NCCRP1: variants seen among roughly 807,000 people sequenced by gnomAD.
The protein encoded by NCCRP1 is F-box only protein 50.
A neutral mutation model predicts 34.4 loss-of-function variants in NCCRP1; 32 were observed. The observed-to-expected ratio is 0.93, with a 90% CI of 0.70 to 1.25. The LOEUF is 1.25. Ranked by LOEUF, NCCRP1 falls within the 50% of genes most tolerant of loss-of-function variation. The pLI is 0.00. For synonymous variants in NCCRP1, 172 were observed against 180.1 expected, an observed-to-expected ratio of 0.95 and a Z score of 0.36; for missense variants, 372 against 391.8, an observed-to-expected ratio of 0.95 and a Z score of 0.43.
chr19:39,200,510 C>G lies in NCCRP1; in HGVS notation c.687+26C>G, dbSNP rs776417815. On this transcript the variant is annotated intron_variant, in intron 5 of 5. Transcript: ENST00000339852. This position sits in a 1 kb window ranked among gnomAD's most constrained non-coding sequence, Gnocchi z 5.8. ...GTGAGACTCTCCGCGCCGGGGCCCT[C>G]AACCCCAGACGTGTGTTCTTGTCCC... is the stretch of plus-strand genomic sequence containing the variant. The G allele has an allele frequency of 1.2e-6, 2 of 1,611,542 alleles. No homozygotes were observed. Among genetic ancestry groups the G allele is most frequent in the African/African-American group, 2.7e-5 (2 of 75,016 alleles).
rs762654399 is a variant in NCCRP1, at chr19:39,197,289, C to G, written c.307C>G (p.Arg103Gly). The G allele has an allele frequency of 5.4e-6, 8 of 1,488,506 alleles. No individual in the cohort carries two copies. Among genetic ancestry groups the G allele is most frequent in the Non-Finnish European group, 7.1e-6 (8 of 1,129,696 alleles). The allele number at this position is 1,488,506 out of a possible 1,614,324, so 92.2% of individuals were successfully genotyped here. A position where few individuals can be genotyped will look rare whatever the true frequency, so the allele number is the denominator to read the frequency against. Residue 103 changes from arginine to glycine, a missense_variant, in exon 1 of 6, where the codon CGC becomes GGC. Arg to Gly is a moderately radical substitution (Grantham distance 125, BLOSUM62 -2). Coordinates refer to ENST00000339852, the MANE Select transcript of NCCRP1 (RefSeq NM_001001414.2). ...KLLLLRRPLY[R>G]NLLRSPNPEG... ...GCTCCTGTTGCGGCGGCCGCTCTAC[C>G]GCAACCTGCTGCGCTCGCCCAACCC...
rs1229675105 is a variant in NCCRP1, at chr19:39,201,622, C to G, written c.*866C>G. The G allele has an allele frequency of 6.6e-6, 1 of 152,158 alleles. No individual in the cohort carries two copies. The highest frequency in any genetic ancestry group is 2.4e-5 in the African/African-American group (1 of 41,404). 9.4% of individuals were successfully genotyped at this position (152,158 alleles called of 1,614,324 possible). A position where few individuals can be genotyped will look rare whatever the true frequency, so the allele number is the denominator to read the frequency against. The stretch of plus-strand genomic sequence containing the variant: ...CACTGCGCCCAGCCATTCCATGTCT[C>G]TTAAGTCTCAGAATCTCCCCTAGCT... On this transcript the variant is annotated 3_prime_UTR_variant, in exon 6 of 6. Transcript: ENST00000339852.
chr19:39,200,367 T>C lies in NCCRP1; in HGVS notation c.570T>C (p.Asp190=). 1 of 1,613,702 alleles carries C rather than the reference T, an allele frequency of 6.2e-7. No homozygotes were observed. Among genetic ancestry groups the C allele is most frequent in the South Asian group, 1.1e-5 (1 of 91,066 alleles). Residue 190 remains aspartate, a synonymous_variant, in exon 5 of 6, where the codon GAT becomes GAC. Transcript: ENST00000339852. This position sits in a 1 kb window ranked among gnomAD's most constrained non-coding sequence, Gnocchi z 5.8. The part of the protein sequence containing the change: ...VMDWFEDSRL[D]ACVYELHVWL... ...GCAGGTTCGAGGACAGCCGGCTGGA[T>C]GCGTGCGTCTATGAGCTGCATGTCT...
Position 39,200,643 on chromosome 19 carries a change from C to T in NCCRP1, c.715C>T (p.Pro239Ser), listed in dbSNP as rs377645422. The T allele has an allele frequency of 4.3e-6, 7 of 1,614,160 alleles. No homozygotes were observed. In the African/African-American group the frequency reaches 6.7e-5, roughly 15 times the overall value. The change falls in exon 6 of 6, where the codon CCC becomes TCC. Residue 239 changes from proline to serine, a missense_variant. Physicochemically the swap from Pro to Ser is moderately conservative, Grantham distance 74. Coordinates refer to ENST00000339852, the MANE Select transcript of NCCRP1 (RefSeq NM_001001414.2). The surrounding 1 kb of genome is among the most constrained non-coding windows in gnomAD (Gnocchi z 5.8). ...QVSHVFRHYGPGVRFIHFLHK... is the reference protein window; with the variant it reads ...QVSHVFRHYGSGVRFIHFLHK... ...GTCCCACGTATTCCGCCATTATGGT[C>T]CCGGTGTGCGCTTTATCCACTTCCT... is the stretch of plus-strand genomic sequence containing the variant.
At position 39,200,418 on chromosome 19, in the gene NCCRP1, G is replaced by A. The variant is rs752200460; in HGVS notation, c.621G>A (p.Thr207=). The change falls in exon 5 of 6, where the codon ACG becomes ACA. Residue 207 remains threonine, a synonymous_variant. Transcript: ENST00000339852. The surrounding 1 kb of genome is among the most constrained non-coding windows in gnomAD (Gnocchi z 5.8). The stretch of plus-strand genomic sequence containing the variant: ...GGCTGCTGGCGGCCGACCGCCGCAC[G>A]GTCATTGCTCAGCACCACGTGGCCC... ...HVWLLAADRR[T]VIAQHHVAPR... 1.4e-5 allele frequency: 23 copies of A among 1,613,440 alleles called. No homozygotes were observed. The highest frequency in any genetic ancestry group is 5.0e-5 in the Admixed American group (3 of 60,008).
At position 39,198,225 on chromosome 19, in the gene NCCRP1, A is replaced by G. The variant is rs745956399; in HGVS notation, c.424A>G (p.Arg142Gly). 3 of 1,614,164 alleles carry G rather than the reference A, an allele frequency of 1.9e-6. No homozygotes were observed. The highest frequency in any genetic ancestry group is 2.5e-6 in the Non-Finnish European group (3 of 1,180,044). The change falls in exon 3 of 6, where the codon AGA becomes GGA. Residue 142 changes from arginine to glycine, a missense_variant. Transcript: ENST00000339852. ...TLGNFRGWYI[R>G]TEKLQQNQSW... ...AGGCAATTTCCGTGGCTGGTACATT[A>G]GAACTGAAAAGCTCCAGCAGAACCA...
At chr19:39,197,365 T>C in intron 1 of NCCRP1, 46 bp downstream of exon 1, 2 of 1,352,774 alleles carry the variant, frequency 1.5e-6, no homozygotes, top group Non-Finnish European at 1.9e-6. Flanking sequence ...CCTGACCGTC[T>C]GTCTCTTCCT....
rs2074787946 is a variant in NCCRP1, at chr19:39,201,389, C to T, written c.*633C>T. On this transcript the variant is annotated 3_prime_UTR_variant, in exon 6 of 6. Coordinates refer to ENST00000339852, the MANE Select transcript of NCCRP1 (RefSeq NM_001001414.2). ...GTAGTGACACGATCTCGACTCACTG[C>T]AATTTCCACCTCTCAGGTTCAAGTG... is the stretch of plus-strand genomic sequence containing the variant. The T allele has an allele frequency of 6.6e-6, 1 of 151,416 alleles. No individual in the cohort carries two copies. The highest frequency in any genetic ancestry group is 2.4e-5 in the African/African-American group (1 of 41,200). The allele number at this position is 151,416 out of a possible 1,614,324, so 9.4% of individuals were successfully genotyped here. A position where few individuals can be genotyped will look rare whatever the true frequency, so the allele number is the denominator to read the frequency against.
At chr19:39,199,293 C>T in intron 4 of NCCRP1, 28 bp downstream of exon 4, 1 of 1,602,440 alleles carries the variant, frequency 6.2e-7, no homozygotes. Context: ...GCCAGCCTGA[C>T]CCCGTGATCG....
At position 39,200,856 on chromosome 19, in the gene NCCRP1, G is replaced by A. The variant is rs953716628; in HGVS notation, c.*100G>A. 3.5e-6 allele frequency: 5 copies of A among 1,428,242 alleles called. No homozygotes were observed. Among genetic ancestry groups the A allele is most frequent in the South Asian group, 2.7e-5 (2 of 74,036 alleles). The allele number at this position is 1,428,242 out of a possible 1,614,324, so 88.5% of individuals were successfully genotyped here. ...GGCCTCTTATTTCTCCCTGGCCCTT[G>A]GCTTCTCACTTGATGGACAGCTTCA... On this transcript the variant is annotated 3_prime_UTR_variant, in exon 6 of 6. Transcript: ENST00000339852. The surrounding 1 kb of genome is among the most constrained non-coding windows in gnomAD (Gnocchi z 5.8).
In NCCRP1 at chr19:39,197,691, C is replaced by T. The variant is rs964288428; in HGVS notation, c.338-362C>T. Among the ~76,000 whole-genome samples, 22 of 152,208 alleles carry T rather than the reference C, an allele frequency of 1.4e-4. 1 individual carries two copies. Among genetic ancestry groups the T allele is most frequent in the East Asian group, 1.9e-4 (1 of 5,192 alleles). On this transcript the variant is annotated intron_variant, in intron 1 of 5. Transcript: ENST00000339852. ...TCCCAGGCTCAGGCAATTCTCCTGC[C>T]TCAGTCTCCCGAGTAGCTGGGATTA...
At position 39,200,696 on chromosome 19, in the gene NCCRP1, T is replaced by G. The variant is rs2074784860; in HGVS notation, c.768T>G (p.Pro256=). The change falls in exon 6 of 6, where the codon CCT becomes CCG. Residue 256 remains proline, a synonymous_variant. Transcript: ENST00000339852. This position sits in a 1 kb window ranked among gnomAD's most constrained non-coding sequence, Gnocchi z 5.8. ...FLHKAKNRME[P]GGLRRTRVTD... ...ACAAGGCCAAGAACCGCATGGAGCC[T>G]GGTGGGCTGCGGCGGACACGGGTGA... 1 of 1,613,852 alleles carries G rather than the reference T, an allele frequency of 6.2e-7. No individual in the cohort carries two copies. Among genetic ancestry groups the G allele is most frequent in the Non-Finnish European group, 8.5e-7 (1 of 1,180,012 alleles).
At position 39,200,834 on chromosome 19, in the gene NCCRP1, C is replaced by A. The variant is rs1600434953; in HGVS notation, c.*78C>A. On this transcript the variant is annotated 3_prime_UTR_variant, in exon 6 of 6. Transcript: ENST00000339852. The surrounding 1 kb of genome is among the most constrained non-coding windows in gnomAD (Gnocchi z 5.8). ...CCCAACTCTTAGTCACCTCCTAGGC[C>A]TCTTATTTCTCCCTGGCCCTTGGCT... 8.7e-6 allele frequency: 13 copies of A among 1,501,254 alleles called. No individual in the cohort carries two copies. In the East Asian group the frequency reaches 2.9e-4, roughly 34 times the overall value. The allele number at this position is 1,501,254 out of a possible 1,614,324, so 93.0% of individuals were successfully genotyped here.
intron 1 of NCCRP1, among the ~76,000 whole-genome samples, chr19:39,197,848 T>C (rs1054145953): frequency 6.6e-6 from 1 of 152,178 alleles, no homozygotes. Flanking sequence ...TCTGTCCCTC[T>C]GTCTCTGTCT....
chr19:39,197,050 A>G lies in NCCRP1; in HGVS notation c.68A>G (p.Gln23Arg), dbSNP rs1166403369. 5 of 1,532,636 alleles carry G rather than the reference A, an allele frequency of 3.3e-6. No homozygotes were observed. The highest frequency in any genetic ancestry group is 3.5e-6 in the Non-Finnish European group (4 of 1,146,108). 94.9% of individuals were successfully genotyped at this position (1,532,636 alleles called of 1,614,324 possible). ...GAAGCCGATGGGCCCGCGAGCCTCC[A>G]GGAGCTGCCTCCCTCGCCACGGTCG... ...GMEADGPASL[Q>R]ELPPSPRSPS... The change falls in exon 1 of 6, where the codon CAG becomes CGG. Residue 23 changes from glutamine (Q) to arginine (R), a missense_variant. Transcript: ENST00000339852.
chr19:39,197,932 G>T, intron 1 of NCCRP1, 121 bp from the exon 2 acceptor site: 1 of 1,160,672 alleles, frequency 8.6e-7, no homozygotes. Flanking sequence ...CATCCCTGCC[G>T]GGCTTCCCTG....
Position 39,199,217 on chromosome 19 carries a change from G to A in NCCRP1, c.500G>A (p.Trp167Ter), listed in dbSNP as rs376735471. The A allele has an allele frequency of 1.2e-6, 2 of 1,614,072 alleles. No individual in the cohort carries two copies. The highest frequency in any genetic ancestry group is 8.5e-7 in the Non-Finnish European group (1 of 1,180,018). Residue 167 changes from tryptophan (W) to a stop codon, truncating the protein, a stop_gained, in exon 4 of 6, where the codon TGG becomes TAG. Coordinates refer to ENST00000339852, the MANE Select transcript of NCCRP1 (RefSeq NM_001001414.2). LOFTEE classifies it high-confidence loss of function. ...QCVDLLAEGL[W>*]EELLDDEQPA... is the part of the protein sequence containing the mutation. ...GTGGACCTTCTGGCCGAGGGCCTGT[G>A]GGAGGAGCTGCTGGATGACGAACAA...
chr19:39,199,158 C>A lies in NCCRP1; in HGVS notation c.453-12C>A. On this transcript the variant is annotated splice_polypyrimidine_tract_variant and intron_variant, in intron 3 of 5. Coordinates refer to ENST00000339852, the MANE Select transcript of NCCRP1 (RefSeq NM_001001414.2). ...ATCGCAGACCCCGCCTCTCCCGGCC[C>A]TTCTTTCACAGCTGGACAGTGAAGC... is the stretch of plus-strand genomic sequence containing the variant. The A allele has an allele frequency of 6.2e-7, 1 of 1,613,678 alleles. No homozygotes were observed. The highest frequency in any genetic ancestry group is 2.2e-5 in the East Asian group (1 of 44,880).
Position 39,200,894 on chromosome 19 carries a change from C to T in NCCRP1, c.*138C>T, listed in dbSNP as rs138608219. 12,634 of 1,083,572 alleles carry T rather than the reference C, an allele frequency of 0.012. 104 individuals are homozygous for T. Among genetic ancestry groups the T allele is most frequent in the Non-Finnish European group, 0.013 (10,217 of 761,362 alleles). 67.1% of individuals were successfully genotyped at this position (1,083,572 alleles called of 1,614,324 possible). Reference sequence around the variant, plus strand: ...ATGGACAGCTTCACACACCCTTAAGCGGTGGACTCCAGCATTTTCCCAGCA... The same window carrying T: ...ATGGACAGCTTCACACACCCTTAAGTGGTGGACTCCAGCATTTTCCCAGCA... On this transcript the variant is annotated 3_prime_UTR_variant, in exon 6 of 6. Transcript: ENST00000339852. This position sits in a 1 kb window ranked among gnomAD's most constrained non-coding sequence, Gnocchi z 5.8.
Sources: allele counts gnomAD v4.1 joint callset (sites outside exome capture counted in the v4.1 genomes callset), GRCh38; gene constraint gnomAD v4.1.1; non-coding constraint Gnocchi (gnomAD v3.1); transcripts MANE v1.5; gene names NCBI Gene and HGNC (gene_info 2026-07-23, HGNC 2026-07-21).